The following MAP3K15 variants were observed in gnomAD, a reference collection of about 807,000 sequenced individuals.
MAP3K15 encodes the protein mitogen-activated protein kinase kinase kinase 15.
In MAP3K15, 124 loss-of-function variants were observed where a neutral mutation model predicts 99.5. The observed-to-expected ratio is 1.25, with a 90% confidence interval of 1.08 to 1.45. MAP3K15 has a LOEUF of 1.45. MAP3K15 is among the 40% of genes most tolerant of loss of function. MAP3K15 has a pLI of 0.00. For synonymous variants in MAP3K15, 494 were observed against 439.6 expected, an observed-to-expected ratio of 1.12 and a Z score of -1.55; for missense variants, 1,242 against 1,079.7, an observed-to-expected ratio of 1.15 and a Z score of -2.11.
At position 19,488,944 on chromosome X, in the gene MAP3K15, C is replaced by A. The variant is rs1432285061; in HGVS notation, c.385G>T (p.Asp129Tyr). 27 of 1,195,804 alleles carry A rather than the reference C, an allele frequency of 2.3e-5. No individual in the cohort carries two copies. The highest frequency in any genetic ancestry group is 3.0e-5 in the Non-Finnish European group (27 of 893,375). Residue 129 changes from aspartate to tyrosine, a missense_variant, in exon 2 of 29, where the codon GAT (aspartate) becomes TAT (tyrosine). Asp to Tyr is a radical substitution (Grantham distance 160). Transcript: ENST00000338883. ...AAGAGGGAAGGCTGTCTGGAGACAT[C>A]GCTCATGTCTACCACAGCAACATCT... ...DADVAVVDMS[D>Y]VSRQPSLFYH...
At chrX:19,494,469 G>A (rs1602350926) in intron 1 of MAP3K15, among the ~76,000 whole-genome samples, 1 of 112,080 alleles carries the variant, frequency 8.9e-6, no homozygotes, top group Middle Eastern at 4.6e-3. Context: ...TGTTAAATAA[G>A]AAAGATGATG....
At chrX:19,465,429 G>C (rs1331489448) in intron 3 of MAP3K15, among the ~76,000 whole-genome samples, 1 of 110,517 alleles carries the variant, frequency 9.0e-6, no homozygotes, top group African/African-American at 3.3e-5. Context: ...GTGGGTACCA[G>C]CTATTGGTAT....
chrX:19,388,742 T>C (rs996850145), intron 18 of MAP3K15, among the ~76,000 whole-genome samples: 5 of 111,959 alleles, frequency 4.5e-5, no homozygotes, highest in African/African-American at 1.6e-4. Flanking sequence ...CCAACGATGT[T>C]TGCAGCCAGA....
At chrX:19,374,454 C>T (rs1390244999) in intron 20 of MAP3K15, 23 bp downstream of exon 20, 5 of 1,196,939 alleles carry the variant, frequency 4.2e-6, no homozygotes, top group Non-Finnish European at 5.6e-6. Context: ...GGGTGCTGCC[C>T]CAGCTGTCCA....
At chrX:19,440,195 C>G (rs1482871987) in intron 6 of MAP3K15, among the ~76,000 whole-genome samples, 1 of 112,286 alleles carries the variant, frequency 8.9e-6, no homozygotes, top group Non-Finnish European at 1.9e-5. Flanking sequence ...CGGGTGACAG[C>G]AGCTTCCTGC....
In MAP3K15 at chrX:19,373,676, G is replaced by A. The variant is rs745852959; in HGVS notation, c.2793C>T (p.Val931=). ...GCTCTCCCTGTGTGGGCAGGGCCAG[G>A]ACGACACCGCGGGGACCTTCTGTAG... ...FKPSEGPRGV[V]LALPTQGEPM... is the part of the protein sequence containing the mutation. Residue 931 remains valine (V), a synonymous_variant, in exon 21 of 29, where the codon GTC becomes GTT. Coordinates refer to ENST00000338883, the MANE Select transcript of MAP3K15 (RefSeq NM_001001671.4). The A allele has an allele frequency of 3.3e-6, 4 of 1,198,839 alleles. No homozygotes were observed. The African/African-American group carries it at 7.0e-5, about 21-fold the overall frequency.
intron 25 of MAP3K15, among the ~76,000 whole-genome samples, chrX:19,366,071 G>C (rs1335551121): frequency 1.9e-5 from 2 of 107,005 alleles, no homozygotes; most frequent in Non-Finnish European, 1.9e-5. Context: ...AGAAGTCACT[G>C]CAACAGTAGA....
intron 1 of MAP3K15, among the ~76,000 whole-genome samples, chrX:19,512,553 C>A (rs959837553): frequency 4.4e-4 from 49 of 110,756 alleles, no homozygotes; most frequent in Non-Finnish European, 1.1e-4. Flanking sequence ...CAGGTCACCG[C>A]AGCATCGACC....
chrX:19,448,132 T>C lies in MAP3K15; in HGVS notation c.995+8781A>G. Among the ~76,000 whole-genome samples the C allele has an allele frequency of 2.8e-5, 3 of 107,488 alleles. No individual in the cohort carries two copies. In the South Asian group the frequency reaches 1.3e-3, roughly 46 times the overall value. The allele number at this position is 107,488 out of a possible 115,157, so 93.3% of individuals were successfully genotyped here. Reference sequence around the variant, plus strand: ...GGGCGAGAAGGCAGCTTTTCCAGGGTTAGTGTCTCCTGAACTTCCAGTTTG... The same window carrying C: ...GGGCGAGAAGGCAGCTTTTCCAGGGCTAGTGTCTCCTGAACTTCCAGTTTG... On this transcript the variant is annotated intron_variant, in intron 6 of 28. Coordinates refer to ENST00000338883, the MANE Select transcript of MAP3K15 (RefSeq NM_001001671.4).
At chrX:19,507,534 C>T (rs1171742005) in intron 1 of MAP3K15, among the ~76,000 whole-genome samples, 1 of 82,733 alleles carries the variant, frequency 1.2e-5, no homozygotes, top group African/African-American at 4.8e-5. Flanking sequence ...GCCGTGATCG[C>T]GCTACTGCAC....
chrX:19,479,135 G>A (rs1297589317), intron 3 of MAP3K15, among the ~76,000 whole-genome samples: 1 of 111,669 alleles, frequency 9.0e-6, no homozygotes, highest in Non-Finnish European at 1.9e-5. Context: ...ATAATGTGGT[G>A]GATATGCAGG....
At chrX:19,427,910 A>G (rs1020746899) in intron 7 of MAP3K15, among the ~76,000 whole-genome samples, 4 of 110,967 alleles carry the variant, frequency 3.6e-5, no homozygotes, top group African/African-American at 1.3e-4. Flanking sequence ...TTAGTCAACA[A>G]AATTCAACCC....
intron 9 of MAP3K15, among the ~76,000 whole-genome samples, chrX:19,424,748 C>T (rs1392391803): frequency 1.8e-5 from 2 of 110,166 alleles, no homozygotes; most frequent in African/African-American, 3.3e-5. Flanking sequence ...CAGGCTCAAG[C>T]GATCCTTCTA....
At chrX:19,452,589 T>C (rs927548864) in intron 6 of MAP3K15, among the ~76,000 whole-genome samples, 7 of 111,911 alleles carry the variant, frequency 6.3e-5, no homozygotes, top group African/African-American at 1.9e-4. Flanking sequence ...AACCTAAATG[T>C]CCATCGACAG....
rs752910558 is a variant in MAP3K15 at position 19,416,083 on chromosome X, C to A, written c.1440-826G>T. On this transcript the variant is annotated intron_variant, in intron 9 of 28. Transcript: ENST00000338883. Reference sequence around the variant, plus strand: ...CGGTGGCTCACACCTGTAATCCCAGCACTTTGGGAGGCCTAGGTGGGCAGA... The same window carrying A: ...CGGTGGCTCACACCTGTAATCCCAGAACTTTGGGAGGCCTAGGTGGGCAGA... Among the ~76,000 whole-genome samples the A allele has an allele frequency of 2.7e-5, 3 of 111,883 alleles. No individual in the cohort carries two copies. In the East Asian group the frequency reaches 8.4e-4, roughly 31 times the overall value.
In MAP3K15 at chrX:19,360,208, T is replaced by C; in HGVS notation, c.*541A>G. On this transcript the variant is annotated 3_prime_UTR_variant, in exon 29 of 29. Coordinates refer to ENST00000338883, the MANE Select transcript of MAP3K15 (RefSeq NM_001001671.4). Reference sequence around the variant, plus strand: ...TCAGTATAAATATGAAGCTATTTTCTGTTCATATCAAACATTAACTACAAG... The same window carrying C: ...TCAGTATAAATATGAAGCTATTTTCCGTTCATATCAAACATTAACTACAAG... 1 of 137,787 alleles carries C rather than the reference T, an allele frequency of 7.3e-6. No individual in the cohort carries two copies. The highest frequency in any genetic ancestry group is 7.9e-5 in the Admixed American group (1 of 12,687). 11.4% of individuals were successfully genotyped at this position (137,787 alleles called of 1,213,427 possible). A position where few individuals can be genotyped will look rare whatever the true frequency, so the allele number is the denominator to read the frequency against.
Position 19,472,403 on chromosome X carries a change from TTCTTC to T in MAP3K15, c.526-8002_526-7998del, listed in dbSNP as rs1389756615. On this transcript the variant is annotated intron_variant, in intron 3 of 28. Coordinates refer to ENST00000338883, the MANE Select transcript of MAP3K15 (RefSeq NM_001001671.4). ...ATAGTATAATTGCAAATTTCCTCTT[TTCTTC>T]TCTTAACTGGTTTAAAAAGCAGTTG... Among the ~76,000 whole-genome samples the T allele has an allele frequency of 4.4e-4, 49 of 111,644 alleles. 1 individual carries two copies. Among genetic ancestry groups the T allele is most frequent in the Admixed American group, 3.9e-3 (41 of 10,461 alleles).
chrX:19,415,368 T>C (rs992659278), intron 9 of MAP3K15, 111 bp from the exon 10 acceptor site: 4 of 704,416 alleles, frequency 5.7e-6, no homozygotes, highest in East Asian at 3.8e-5. Flanking sequence ...ATTCATATTA[T>C]GTCATGAGTG....
At chrX:19,500,810 A>C (rs1398464775) in intron 1 of MAP3K15, among the ~76,000 whole-genome samples, 1 of 111,970 alleles carries the variant, frequency 8.9e-6, no homozygotes, top group Non-Finnish European at 1.9e-5. Flanking sequence ...GTATTCCAAA[A>C]CTACGTTTGG....
Sources: gnomAD v4.1 joint callset for allele counts (sites outside exome capture counted in the v4.1 genomes callset) on GRCh38, gnomAD v4.1.1 for gene constraint, MANE v1.5 for transcripts, NCBI Gene and HGNC (gene_info 2026-07-23, HGNC 2026-07-21) for gene names.